Variants in TECTA observed in about 807,000 individuals in gnomAD.
TECTA encodes the protein tectorin alpha.
A neutral mutation model predicts 216.8 loss-of-function variants in TECTA; 128 were observed. That is an observed-to-expected ratio of 0.59 (90% CI 0.51 to 0.68). The LOEUF is 0.68. TECTA is among the 30% of genes least tolerant of loss of function. The pLI is 0.00. For synonymous variants in TECTA, 1,089 were observed against 1,117.1 expected, an observed-to-expected ratio of 0.97 and a Z score of 0.50; for missense variants, 2,551 against 2,786.2, an observed-to-expected ratio of 0.92 and a Z score of 1.90.
At chr11:121,138,061 G>A (rs781235335) in intron 11 of TECTA, 39 bp downstream of exon 11, 15 of 1,612,578 alleles carry the variant, frequency 9.3e-6, no homozygotes, top group Non-Finnish European at 1.3e-5. Context: ...GGGAATCGTG[G>A]AGACGTCAGG....
At chr11:121,189,554 T>G (rs1335113959) in intron 22 of TECTA, among the ~76,000 whole-genome samples, 1 of 152,132 alleles carries the variant, frequency 6.6e-6, no homozygotes, top group Non-Finnish European at 1.5e-5. Context: ...TTTTGTATTT[T>G]TAGTAGAGAC....
At position 121,134,501 on chromosome 11, in the gene TECTA, C is replaced by T. The variant is rs1166396591; in HGVS notation, c.2942-2920C>T. On this transcript the variant is annotated intron_variant, in intron 10 of 23. Transcript: ENST00000392793. ...GCAGATGCTGGGACTCCAGAGCTAC[C>T]TACAGCAGGAGAGCCTCCACGGCTT... 2.0e-5 allele frequency among the ~76,000 whole-genome samples: 3 copies of T among 152,156 alleles called. No individual in the cohort carries two copies. The East Asian group carries it at 5.8e-4, about 29-fold the overall frequency.
In TECTA at chr11:121,145,905, G is replaced by A. The variant is rs1404067734; in HGVS notation, c.3894G>A (p.Gln1298=). The change falls in exon 12 of 24, where the codon CAG becomes CAA. Residue 1298 remains glutamine, a synonymous_variant. Transcript: ENST00000392793. ...AGGTGGAAGGTTTCTCCAAAGTGCA[G>A]CAGCTGTGCAGCCTGATCCCCAACC... is the stretch of plus-strand genomic sequence containing the variant. The part of the protein sequence containing the change: ...CAKVEGFSKV[Q]QLCSLIPNQN... 1.2e-6 allele frequency: 2 copies of A among 1,614,250 alleles called. No homozygotes were observed. The highest frequency in any genetic ancestry group is 3.3e-5 in the Admixed American group (2 of 60,026).
chr11:121,188,736 C>G (rs1947312610), intron 21 of TECTA, among the ~76,000 whole-genome samples: 1 of 152,252 alleles, frequency 6.6e-6, no homozygotes. Context: ...GAGCAACTTA[C>G]AGATGATACT....
At chr11:121,184,392 C>G (rs554108878) in intron 20 of TECTA, among the ~76,000 whole-genome samples, 2 of 152,198 alleles carry the variant, frequency 1.3e-5, no homozygotes, top group African/African-American at 4.8e-5. Flanking sequence ...CTTCTAACTC[C>G]AGTGCAGGGA....
At chr11:121,153,435 G>A (rs1216749608) in intron 13 of TECTA, among the ~76,000 whole-genome samples, 3 of 152,224 alleles carry the variant, frequency 2.0e-5, no homozygotes, top group Non-Finnish European at 4.4e-5. Flanking sequence ...TAGAGCTATA[G>A]TTTGGATACA....
In TECTA at chr11:121,168,677, T is replaced by G; in HGVS notation, c.5751T>G (p.Ser1917Arg). 1 of 1,614,126 alleles carries G rather than the reference T, an allele frequency of 6.2e-7. No individual in the cohort carries two copies. Among genetic ancestry groups the G allele is most frequent in the Non-Finnish European group, 8.5e-7 (1 of 1,179,984 alleles). The change falls in exon 20 of 24, where the codon AGT becomes AGG. Residue 1917 changes from serine to arginine, a missense_variant and splice_region_variant. Ser to Arg is a moderately radical substitution (Grantham distance 110, BLOSUM62 -1). Around this residue, in one of 3 missense-constraint regions of TECTA, gnomAD observed 2,375 missense variants for 2,563.9 expected, o/e 0.93. Coordinates refer to ENST00000392793, the MANE Select transcript of TECTA (RefSeq NM_005422.4). Reference sequence around the variant, plus strand: ...TGTCTCATAATTGTTTCCGTTTTAGTGTAATTAACCTGACAGTTCCAACCC... The same window carrying G: ...TGTCTCATAATTGTTTCCGTTTTAGGGTAATTAACCTGACAGTTCCAACCC... ...SLDSVVKPMLSVINLTVPTQE... is the reference protein window; with the variant it reads ...SLDSVVKPMLRVINLTVPTQE...
At chr11:121,157,578 C>T (rs940509756) in intron 13 of TECTA, among the ~76,000 whole-genome samples, 4 of 152,136 alleles carry the variant, frequency 2.6e-5, no homozygotes, top group Admixed American at 1.3e-4. Context: ...GCCTCGGCAA[C>T]AGAATGAGAC....
chr11:121,131,355 C>T (rs1946673408), intron 10 of TECTA, among the ~76,000 whole-genome samples: 1 of 152,068 alleles, frequency 6.6e-6, no homozygotes. Context: ...CTACCATTCT[C>T]TCAGATTCCC....
At chr11:121,149,661 G>A (rs534093754) in intron 12 of TECTA, among the ~76,000 whole-genome samples, 31 of 152,206 alleles carry the variant, frequency 2.0e-4, no homozygotes, top group Admixed American at 3.3e-4. Flanking sequence ...AGGTTGGTCT[G>A]ATTCCAAAGC....
rs1226982432 is a variant in TECTA at position 121,109,224 on chromosome 11, G to A, written c.212G>A (p.Gly71Glu). The A allele has an allele frequency of 1.9e-6, 3 of 1,614,144 alleles. No homozygotes were observed. The highest frequency in any genetic ancestry group is 2.5e-6 in the Non-Finnish European group (3 of 1,180,010). ...TTATTTTCGTAGGTCAATAACAACG[G>A]AGTTGTTTCCTTCAATGTGCTAGTG... ...PYRTVYVNNN[G>E]VVSFNVLVSQ... The change falls in exon 4 of 24, where the codon GGA (glycine) becomes GAA (glutamate). Residue 71 changes from glycine to glutamate, a missense_variant. This residue lies in a region of TECTA where 2,375 missense variants were observed against 2,563.9 expected (regional missense o/e 0.93). Coordinates refer to ENST00000392793, the MANE Select transcript of TECTA (RefSeq NM_005422.4).
intron 12 of TECTA, among the ~76,000 whole-genome samples, chr11:121,152,150 T>C (rs1371065798): frequency 6.6e-6 from 1 of 152,222 alleles, no homozygotes; most frequent in Admixed American, 6.5e-5. Context: ...CTGCCTTCTA[T>C]AGAAGCATCT....
Position 121,145,727 on chromosome 11 carries a change from G to A in TECTA, c.3716G>A (p.Gly1239Asp), listed in dbSNP as rs1421350356. The A allele has an allele frequency of 6.2e-7, 1 of 1,614,216 alleles. No individual in the cohort carries two copies. Among genetic ancestry groups the A allele is most frequent in the African/African-American group, 1.3e-5 (1 of 75,046 alleles). Residue 1239 changes from glycine to aspartate, a missense_variant, in exon 12 of 24, where the codon GGT becomes GAT. Around this residue, in one of 3 missense-constraint regions of TECTA, gnomAD observed 2,375 missense variants for 2,563.9 expected, o/e 0.93. Transcript: ENST00000392793. ...VPRSMQNSTY[G>D]LCGRYNGNPD... Reference sequence around the variant, plus strand: ...CGGAGCATGCAGAACAGCACCTATGGTCTGTGTGGCCGCTACAACGGCAAC... The same window carrying A: ...CGGAGCATGCAGAACAGCACCTATGATCTGTGTGGCCGCTACAACGGCAAC...
In TECTA at chr11:121,171,659, T is replaced by C. The variant is rs560554450; in HGVS notation, c.5999+2734T>C. 4.9e-4 allele frequency among the ~76,000 whole-genome samples: 74 copies of C among 152,336 alleles called. 1 individual carries two copies. The highest frequency in any genetic ancestry group is 1.8e-3 in the African/African-American group (74 of 41,586). ...TTGGTTAAATTTATTCCTAGATTTC[T>C]CATTTTTTTGTAGGTATTATAAATG... On this transcript the variant is annotated intron_variant, in intron 20 of 23. Coordinates refer to ENST00000392793, the MANE Select transcript of TECTA (RefSeq NM_005422.4).
chr11:121,138,140 T>C lies in TECTA; in HGVS notation c.3543+118T>C. The C allele has an allele frequency of 5.0e-6, 7 of 1,413,604 alleles. No homozygotes were observed. The South Asian group carries it at 7.5e-5, about 15-fold the overall frequency. The allele number at this position is 1,413,604 out of a possible 1,614,324, so 87.6% of individuals were successfully genotyped here. A position where few individuals can be genotyped will look rare whatever the true frequency, so the allele number is the denominator to read the frequency against. ...GAATCCAAAGAAAATCTTAGTATAT[T>C]AAAGCAGAGAGAGGCCCTAGAGATT... On this transcript the variant is annotated intron_variant, in intron 11 of 23. Coordinates refer to ENST00000392793, the MANE Select transcript of TECTA (RefSeq NM_005422.4).
In TECTA at chr11:121,157,968, G is replaced by A; in HGVS notation, c.4433G>A (p.Gly1478Asp). Residue 1478 changes from glycine to aspartate, a missense_variant, in exon 14 of 24, where the codon GGC becomes GAC. By Grantham distance (94) the Gly-to-Asp change is moderately conservative. This residue lies in a region of TECTA where 2,375 missense variants were observed against 2,563.9 expected (regional missense o/e 0.93). Transcript: ENST00000392793. ...EECALRNGVR[G>D]CFSTKTSYCL... ...TGTGCGCTGCGCAACGGGGTGCGCGGCTGCTTCAGCACCAAGACCTCCTAC... is the reference window on the plus strand; with the variant it reads ...TGTGCGCTGCGCAACGGGGTGCGCGACTGCTTCAGCACCAAGACCTCCTAC... 1 of 1,613,444 alleles carries A rather than the reference G, an allele frequency of 6.2e-7. No homozygotes were observed. Among genetic ancestry groups the A allele is most frequent in the Non-Finnish European group, 8.5e-7 (1 of 1,179,960 alleles).
chr11:121,188,237 C>A (rs1224185571), intron 21 of TECTA, among the ~76,000 whole-genome samples: 1 of 152,206 alleles, frequency 6.6e-6, no homozygotes, highest in Non-Finnish European at 1.5e-5. Context: ...AAGCTCGGCA[C>A]TGTTGACGTT....
chr11:121,108,816 C>T (rs1408068002), intron 3 of TECTA, among the ~76,000 whole-genome samples: 2 of 82,468 alleles, frequency 2.4e-5, no homozygotes, highest in Non-Finnish European at 4.8e-5. Flanking sequence ...AGTACACAAA[C>T]ACACACTCAC....
At position 121,113,461 on chromosome 11, in the gene TECTA, G is replaced by T; in HGVS notation, c.625-92G>T. On this transcript the variant is annotated intron_variant, in intron 5 of 23. Coordinates refer to ENST00000392793, the MANE Select transcript of TECTA (RefSeq NM_005422.4). The surrounding 1 kb of genome is among the most constrained non-coding windows in gnomAD (Gnocchi z 4.2). ...CAGGAAAAGACGGCTCTTGATTTTA[G>T]AGGTGCTGGATTTTAAAAATAAGGT... 6.4e-7 allele frequency: 1 copy of T among 1,561,190 alleles called. No individual in the cohort carries two copies. The highest frequency in any genetic ancestry group is 1.1e-5 in the South Asian group (1 of 89,292).
Sources: allele counts gnomAD v4.1 joint callset (sites outside exome capture counted in the v4.1 genomes callset), GRCh38; gene constraint gnomAD v4.1.1; regional missense constraint gnomAD v4.1.1; non-coding constraint Gnocchi (gnomAD v3.1); transcripts MANE v1.5; gene names NCBI Gene and HGNC (gene_info 2026-07-23, HGNC 2026-07-21).